Variants in CNBD1 observed in about 807,000 individuals in gnomAD.
CNBD1 encodes the protein cyclic nucleotide binding domain containing 1.
CNBD1 carries 71 observed loss-of-function variants against 54.4 expected under a neutral mutation model. The observed-to-expected ratio is 1.30, with a 90% CI of 1.08 to 1.59. The LOEUF (loss-of-function observed/expected upper bound fraction) is 1.59, where lower values mean the gene tolerates loss of function less well. CNBD1 is among the 40% of genes most tolerant of loss of function. The pLI is 0.00. For missense variants in CNBD1, 659 were observed against 518.0 expected, an observed-to-expected ratio of 1.27 and a Z score of -2.64; for synonymous variants, 182 against 170.7, an observed-to-expected ratio of 1.07 and a Z score of -0.51.
intron 10 of CNBD1, among the ~76,000 whole-genome samples, chr8:87,374,893 T>G (rs1810894121): frequency 6.6e-6 from 1 of 151,912 alleles, no homozygotes; most frequent in African/African-American, 2.4e-5. Flanking sequence ...GCAACCAAGA[T>G]TTTAGTTTGT....
chr8:87,212,857 C>T (rs1057101995), intron 5 of CNBD1, among the ~76,000 whole-genome samples: 1 of 151,958 alleles, frequency 6.6e-6, no homozygotes, highest in Admixed American at 6.6e-5. Context: ...ATAATTTGGA[C>T]CTTATAAAAA....
intron 6 of CNBD1, among the ~76,000 whole-genome samples, chr8:87,275,652 A>C (rs13439234): frequency 0.27 from 40,443 of 149,512 alleles, 5,345 homozygotes; most frequent in African/African-American, 0.37. Context: ...ATTCCCTTTG[A>C]AAACTGGCAC....
intron 2 of CNBD1, among the ~76,000 whole-genome samples, chr8:86,892,110 G>A (rs1363751323): frequency 6.6e-6 from 1 of 151,984 alleles, no homozygotes; most frequent in African/African-American, 2.4e-5. Flanking sequence ...AAGAAGTAGT[G>A]AAAGTGGGCA....
chr8:86,957,156 C>G (rs971898072), intron 4 of CNBD1, among the ~76,000 whole-genome samples: 1 of 152,178 alleles, frequency 6.6e-6, no homozygotes. Flanking sequence ...GTTGAACTAG[C>G]CTTGCATCCC....
At chr8:87,176,569 C>G (rs939661746) in intron 4 of CNBD1, among the ~76,000 whole-genome samples, 15 of 150,506 alleles carry the variant, frequency 1.0e-4, no homozygotes, top group Non-Finnish European at 2.9e-5. Flanking sequence ...CTGCAACCCT[C>G]TGCCTCCCGG....
chr8:87,093,184 G>A (rs1034956951), intron 4 of CNBD1, among the ~76,000 whole-genome samples: 43 of 152,178 alleles, frequency 2.8e-4, no homozygotes, highest in African/African-American at 1.0e-3. Flanking sequence ...TGCAGGAAAT[G>A]CAATAAAGGA....
At chr8:87,134,868 C>T (rs1024212651) in intron 4 of CNBD1, among the ~76,000 whole-genome samples, 2 of 151,964 alleles carry the variant, frequency 1.3e-5, no homozygotes, top group Non-Finnish European at 2.9e-5. Context: ...CTCAGCCTCC[C>T]AAAGTGCTGG....
chr8:86,873,275 A>G (rs1433440220), intron 1 of CNBD1, among the ~76,000 whole-genome samples: 3 of 151,174 alleles, frequency 2.0e-5, no homozygotes, highest in Admixed American at 2.0e-4. Flanking sequence ...CTAATTTTGT[A>G]TTTTTAGTAG....
chr8:87,185,917 G>A (rs533602728), intron 4 of CNBD1, among the ~76,000 whole-genome samples: 5 of 151,842 alleles, frequency 3.3e-5, no homozygotes, highest in Non-Finnish European at 5.9e-5. Flanking sequence ...GGATTCCCTC[G>A]TCCCATTCTT....
chr8:86,957,646 GT>G (rs1484812287), intron 4 of CNBD1, among the ~76,000 whole-genome samples: 1 of 152,170 alleles, frequency 6.6e-6, no homozygotes, highest in African/African-American at 2.4e-5. Flanking sequence ...TCTGATGGTA[GT>G]TTGTATTTCT....
intron 4 of CNBD1, among the ~76,000 whole-genome samples, chr8:87,159,110 A>G (rs1330286665): frequency 6.6e-6 from 1 of 152,136 alleles, no homozygotes; most frequent in South Asian, 2.1e-4. Flanking sequence ...ATATCATTTT[A>G]CTTGTTGAAT....
At chr8:87,120,688 G>T (rs569187175) in intron 4 of CNBD1, among the ~76,000 whole-genome samples, 4 of 151,824 alleles carry the variant, frequency 2.6e-5, no homozygotes, top group South Asian at 2.1e-4. Flanking sequence ...TTTGATACAG[G>T]TATTTATTGC....
chr8:87,398,029 G>A (rs1307154652), intron 2 of CNBD1, among the ~76,000 whole-genome samples: 2 of 151,730 alleles, frequency 1.3e-5, no homozygotes, highest in Admixed American at 1.3e-4. Flanking sequence ...TCTTTCATTT[G>A]TAAATTGCTC....
At chr8:87,229,228 G>A (rs975227088) in intron 5 of CNBD1, among the ~76,000 whole-genome samples, 1 of 152,130 alleles carries the variant, frequency 6.6e-6, no homozygotes, top group African/African-American at 2.4e-5. Context: ...CTCAGGCTGG[G>A]AGCTGTAGAC....
At position 87,405,995 on chromosome 8, in the gene CNBD1, G is replaced by A. The variant is rs538082694; in HGVS notation, c.214-22551G>A. Among the ~76,000 whole-genome samples, 5 of 152,192 alleles carry A rather than the reference G, an allele frequency of 3.3e-5. No individual in the cohort carries two copies. The South Asian group carries it at 1.0e-3, about 32-fold the overall frequency. On this transcript the variant is annotated intron_variant, in intron 2 of 7. Coordinates refer to the CNBD1 transcript ENST00000521593. ...GACAAGTTGAAATCCCTGCAGTTTT[G>A]CATCTTATTCTCAATATATTTCTCT...
chr8:87,333,785 A>T (rs192709786), intron 8 of CNBD1, among the ~76,000 whole-genome samples: 5 of 151,866 alleles, frequency 3.3e-5, no homozygotes, highest in Admixed American at 2.0e-4. Context: ...TTTATTGAGG[A>T]TTTTCGCACC....
At chr8:87,255,997 ATATATATATATATATATAT>A (rs1315176901) in intron 6 of CNBD1, among the ~76,000 whole-genome samples, 3 of 14,784 alleles carry the variant, frequency 2.0e-4, no homozygotes, top group Admixed American at 9.9e-4. Context: ...ATATATATAT[ATATATATATATATATATAT>A]TTTTTTTTTT....
chr8:87,201,191 T>A (rs1395951527), intron 4 of CNBD1, among the ~76,000 whole-genome samples: 1 of 151,950 alleles, frequency 6.6e-6, no homozygotes, highest in African/African-American at 2.4e-5. Context: ...CCAACACCCA[T>A]TCATGATGAA....
intron 4 of CNBD1, among the ~76,000 whole-genome samples, chr8:87,031,407 C>T (rs902282111): frequency 1.3e-5 from 2 of 152,140 alleles, no homozygotes; most frequent in African/African-American, 4.8e-5. Flanking sequence ...TGTTGCTACA[C>T]TTCAGCCTGT....
Sources: allele counts gnomAD v4.1 joint callset (sites outside exome capture counted in the v4.1 genomes callset), GRCh38; gene constraint gnomAD v4.1.1; transcripts MANE v1.5; gene names NCBI Gene and HGNC (gene_info 2026-07-23, HGNC 2026-07-21).